Variants in SH3PXD2B observed in about 807,000 individuals in gnomAD.
SH3PXD2B encodes SH3 and PX domains 2B, also known as SH3 and PX domain-containing protein 2B.
In SH3PXD2B, 37 loss-of-function variants were observed where a neutral mutation model predicts 73.1. That is an observed-to-expected ratio of 0.51 (90% CI 0.39 to 0.67). SH3PXD2B has a LOEUF of 0.67. Ranked by LOEUF, SH3PXD2B falls within the 30% of genes least tolerant of loss-of-function variation. SH3PXD2B has a pLI of 0.00. For missense variants in SH3PXD2B, 1,053 were observed against 1,197.8 expected (o/e 0.88, Z 1.78); for synonymous variants, 457 against 480.5 (o/e 0.95, Z 0.64).
intron 12 of SH3PXD2B, among the ~76,000 whole-genome samples, chr5:172,344,325 C>T (rs760184596): frequency 3.8e-4 from 58 of 152,242 alleles, no homozygotes; most frequent in Middle Eastern, 6.8e-3. Flanking sequence ...CAGTGGCTCA[C>T]GCCTGTAATG....
intron 11 of SH3PXD2B, among the ~76,000 whole-genome samples, chr5:172,346,541 G>A (rs1016084042): frequency 6.6e-6 from 1 of 152,152 alleles, no homozygotes; most frequent in African/African-American, 2.4e-5. Flanking sequence ...ATAAGAGGCA[G>A]TGAGGGTTGT....
chr5:172,431,595 A>G (rs1419169095), intron 1 of SH3PXD2B, among the ~76,000 whole-genome samples: 1 of 152,268 alleles, frequency 6.6e-6, no homozygotes, highest in African/African-American at 2.4e-5. Context: ...AAAAAGAACA[A>G]GCTAAAACAA....
intron 1 of SH3PXD2B, among the ~76,000 whole-genome samples, chr5:172,452,675 C>G (rs894340286): frequency 6.6e-6 from 1 of 152,148 alleles, no homozygotes; most frequent in African/African-American, 2.4e-5. Flanking sequence ...TATCTATTCT[C>G]GTTTTTGCCA....
intron 8 of SH3PXD2B, among the ~76,000 whole-genome samples, 193 bp from the exon 9 acceptor site, chr5:172,354,198 G>T (rs369709945): frequency 6.6e-6 from 1 of 151,492 alleles, no homozygotes; most frequent in East Asian, 1.9e-4. Flanking sequence ...GGTAGATCTC[G>T]ATCCCTCTGA....
rs192515199 is a variant in SH3PXD2B, at chr5:172,351,345, C to G, written c.786-756G>C. Among the ~76,000 whole-genome samples, 8 of 152,250 alleles carry G rather than the reference C, an allele frequency of 5.3e-5. No homozygotes were observed. The East Asian group carries it at 1.2e-3, about 22-fold the overall frequency. Reference sequence around the variant, plus strand: ...GTGTTGCTATGTTGCTCAGGCTGGTCTTGAGCTCCTAGACTCAAGTGATCT... The same window carrying G: ...GTGTTGCTATGTTGCTCAGGCTGGTGTTGAGCTCCTAGACTCAAGTGATCT... On this transcript the variant is annotated intron_variant, in intron 9 of 12. Coordinates refer to ENST00000311601, the MANE Select transcript of SH3PXD2B (RefSeq NM_001017995.3).
chr5:172,395,533 T>A (rs1182751874), intron 3 of SH3PXD2B, among the ~76,000 whole-genome samples: 1 of 152,172 alleles, frequency 6.6e-6, no homozygotes, highest in Non-Finnish European at 1.5e-5. Flanking sequence ...CACGGGTATA[T>A]ACATGATGCC....
intron 4 of SH3PXD2B, among the ~76,000 whole-genome samples, chr5:172,387,047 A>G (rs1758075027): frequency 1.3e-5 from 2 of 152,208 alleles, no homozygotes; most frequent in Non-Finnish European, 2.9e-5. Flanking sequence ...AAGTTCAAAA[A>G]GTGAGTTGAA....
chr5:172,381,036 T>C (rs867077351), intron 5 of SH3PXD2B, among the ~76,000 whole-genome samples: 5 of 152,234 alleles, frequency 3.3e-5, no homozygotes, highest in Non-Finnish European at 7.3e-5. Flanking sequence ...TCCTCACAAG[T>C]CTATTTAAAA....
intron 6 of SH3PXD2B, among the ~76,000 whole-genome samples, chr5:172,368,013 C>T (rs532537003): frequency 6.6e-6 from 1 of 152,294 alleles, no homozygotes; most frequent in South Asian, 2.1e-4. Flanking sequence ...GGATTTTCTG[C>T]TACTTGCAGT....
chr5:172,419,841 A>T (rs1758917854), intron 2 of SH3PXD2B, among the ~76,000 whole-genome samples: 1 of 152,200 alleles, frequency 6.6e-6, no homozygotes, highest in African/African-American at 2.4e-5. Flanking sequence ...GGCAGGCAAG[A>T]GGCCTCTGAA....
chr5:172,439,327 A>T lies in SH3PXD2B; in HGVS notation c.75+14951T>A, dbSNP rs1229377635. 2.0e-5 allele frequency among the ~76,000 whole-genome samples: 3 copies of T among 149,678 alleles called. No individual in the cohort carries two copies. In the East Asian group the frequency reaches 5.8e-4, roughly 29 times the overall value. On this transcript the variant is annotated intron_variant, in intron 1 of 12. Coordinates refer to ENST00000311601, the MANE Select transcript of SH3PXD2B (RefSeq NM_001017995.3). Reference sequence around the variant, plus strand: ...AAACCACAGGCATCGGCTTTAGAATACCTGACTATGAATCCTGCCTCTATA... The same window carrying T: ...AAACCACAGGCATCGGCTTTAGAATTCCTGACTATGAATCCTGCCTCTATA...
intron 4 of SH3PXD2B, among the ~76,000 whole-genome samples, chr5:172,389,693 C>T (rs1321334481): frequency 6.6e-6 from 1 of 151,898 alleles, no homozygotes; most frequent in Non-Finnish European, 1.5e-5. Context: ...CCTACTGTAT[C>T]CAGCCTGGGA....
At chr5:172,382,562 C>CACAA (rs1441602706) in intron 4 of SH3PXD2B, among the ~76,000 whole-genome samples, 1 of 151,666 alleles carries the variant, frequency 6.6e-6, no homozygotes, top group Non-Finnish European at 1.5e-5. Context: ...GAACAACACA[C>CACAA]ACACACACAC....
chr5:172,365,020 G>C (rs1757483716), intron 6 of SH3PXD2B, among the ~76,000 whole-genome samples: 1 of 152,178 alleles, frequency 6.6e-6, no homozygotes, highest in Non-Finnish European at 1.5e-5. Flanking sequence ...CTGGGTGAAG[G>C]GTACTGCTTC....
chr5:172,386,865 C>T (rs1051891130), intron 4 of SH3PXD2B, among the ~76,000 whole-genome samples: 2 of 152,100 alleles, frequency 1.3e-5, no homozygotes, highest in African/African-American at 4.8e-5. Context: ...TGGGCTCAAG[C>T]GATCCACCTG....
intron 2 of SH3PXD2B, among the ~76,000 whole-genome samples, chr5:172,416,694 CTCTTTTTTTTT>C (rs1265263142): frequency 2.6e-5 from 2 of 78,254 alleles, no homozygotes; most frequent in African/African-American, 1.4e-4. Flanking sequence ...CTCTCTCTCT[CTCTTTTTTTTT>C]TTTTTTTTTT....
chr5:172,383,711 C>T (rs2113376551), intron 4 of SH3PXD2B, among the ~76,000 whole-genome samples: 1 of 152,328 alleles, frequency 6.6e-6, no homozygotes, highest in East Asian at 1.9e-4. Context: ...GCAGTGCGTG[C>T]TCTGCATGAG....
At position 172,334,125 on chromosome 5, in the gene SH3PXD2B, CGAGGATAGAAACG is replaced by C; in HGVS notation, c.*4231_*4243del. On this transcript the variant is annotated 3_prime_UTR_variant, in exon 13 of 13. Transcript: ENST00000311601. ...GAGCTAAGAAGGCTTACTTTGGAGTCGAGGATAGAAACGGGAAGATGGAATGTTGAAACATGAG... is the reference window on the plus strand; with the variant it reads ...GAGCTAAGAAGGCTTACTTTGGAGTCGGAAGATGGAATGTTGAAACATGAG... The C allele has an allele frequency of 9.1e-7, 1 of 1,103,258 alleles. No individual in the cohort carries two copies. The highest frequency in any genetic ancestry group is 1.1e-6 in the Non-Finnish European group (1 of 902,664). The allele number at this position is 1,103,258 out of a possible 1,614,324, so 68.3% of individuals were successfully genotyped here. A position where few individuals can be genotyped will look rare whatever the true frequency, so the allele number is the denominator to read the frequency against.
In SH3PXD2B at chr5:172,369,172, G is replaced by A. The variant is rs149302039; in HGVS notation, c.427+4618C>T. On this transcript the variant is annotated intron_variant, in intron 6 of 12. Coordinates refer to ENST00000311601, the MANE Select transcript of SH3PXD2B (RefSeq NM_001017995.3). ...GGCCTCCCAAACTGCTGGGATTACAGGTGTAAACCACCACGCCTGGTTGAA... is the reference window on the plus strand; with the variant it reads ...GGCCTCCCAAACTGCTGGGATTACAAGTGTAAACCACCACGCCTGGTTGAA... 2.0e-3 allele frequency among the ~76,000 whole-genome samples: 300 copies of A among 151,168 alleles called. 2 individuals carry two copies. The highest frequency in any genetic ancestry group is 6.9e-3 in the African/African-American group (287 of 41,304).
Sources: gnomAD v4.1 joint callset for allele counts (sites outside exome capture counted in the v4.1 genomes callset) on GRCh38, gnomAD v4.1.1 for gene constraint, MANE v1.5 for transcripts, NCBI Gene and HGNC (gene_info 2026-07-23, HGNC 2026-07-21) for gene names.